The following TTLL1 variants were observed in gnomAD, a reference collection of about 807,000 sequenced individuals.
TTLL1 encodes polyglutamylase complex subunit TTLL1.
A neutral mutation model predicts 47.8 loss-of-function variants in TTLL1; 33 were observed. That is an observed-to-expected ratio of 0.69 (90% CI 0.52 to 0.92). TTLL1 has a LOEUF of 0.92. Among genes scored for constraint, TTLL1 ranks in the 40% least tolerant of loss-of-function variants. The probability of loss-of-function intolerance (pLI) is 0.00; values close to 1 mark genes in which losing one functional copy is unlikely to be tolerated. For synonymous variants in TTLL1, 225 were observed against 214.1 expected (o/e 1.05, Z -0.45); for missense variants, 488 against 547.5 (o/e 0.89, Z 1.08).
intron 5 of TTLL1, among the ~76,000 whole-genome samples, chr22:43,067,970 A>AT (rs528981760): frequency 0.09 from 11,670 of 129,552 alleles, 658 homozygotes; most frequent in African/African-American, 0.15. Context: ...CACCTGGCTA[A>AT]TTTTTTTTTT....
At chr22:43,050,522 TTTG>T (rs1355285606) in intron 9 of TTLL1, among the ~76,000 whole-genome samples, 1 of 151,692 alleles carries the variant, frequency 6.6e-6, no homozygotes, top group African/African-American at 2.4e-5. Context: ...TGTTTTTTTT[TTTG>T]TTTGTTTGTT....
chr22:43,041,873 G>C (rs1264281449), intron 10 of TTLL1, among the ~76,000 whole-genome samples: 1 of 152,174 alleles, frequency 6.6e-6, no homozygotes, highest in Non-Finnish European at 1.5e-5. Flanking sequence ...CTCTGCACCA[G>C]GGTGGAGCTG....
chr22:43,058,279 C>T (rs1267943306), intron 8 of TTLL1, among the ~76,000 whole-genome samples: 2 of 152,150 alleles, frequency 1.3e-5, no homozygotes, highest in East Asian at 1.9e-4. Flanking sequence ...TGCTGGTGCT[C>T]ATATGTTCAT....
At position 43,059,459 on chromosome 22, in the gene TTLL1, G is replaced by A. The variant is rs1350188375; in HGVS notation, c.816C>T (p.Thr272=). ...GCTTGCTGGTCACCTCCTTGCCGCGGGTGCTCTCCAGGTAGAGCCGCAGGT... is the reference window on the plus strand; with the variant it reads ...GCTTGCTGGTCACCTCCTTGCCGCGAGTGCTCTCCAGGTAGAGCCGCAGGT... ...VSNLRLYLES[T]RGKEVTSKLF... The change falls in exon 8 of 11, where the codon ACC becomes ACT. Residue 272 remains threonine (T), a synonymous_variant. Coordinates refer to ENST00000266254, the MANE Select transcript of TTLL1 (RefSeq NM_012263.5). 1 of 1,614,066 alleles carries A rather than the reference G, an allele frequency of 6.2e-7. No individual in the cohort carries two copies. Among genetic ancestry groups the A allele is most frequent in the Non-Finnish European group, 8.5e-7 (1 of 1,179,988 alleles).
rs115305911 is a variant in TTLL1, at chr22:43,071,164, G to A, written c.114-1320C>T. ...ACTCCTGGATTCAACTGATCCTGCCGCCTCAGCCTCCCAAAGTGCTGCAGT... is the reference window on the plus strand; with the variant it reads ...ACTCCTGGATTCAACTGATCCTGCCACCTCAGCCTCCCAAAGTGCTGCAGT... On this transcript the variant is annotated intron_variant, in intron 3 of 10. Coordinates refer to ENST00000266254, the MANE Select transcript of TTLL1 (RefSeq NM_012263.5). Among the ~76,000 whole-genome samples, 760 of 151,940 alleles carry A rather than the reference G, an allele frequency of 5.0e-3. 6 individuals carry two copies. The highest frequency in any genetic ancestry group is 0.018 in the African/African-American group (734 of 41,416).
chr22:43,082,876 T>C (rs192355302), intron 1 of TTLL1, among the ~76,000 whole-genome samples: 1,815 of 151,714 alleles, frequency 0.012, 40 homozygotes, highest in African/African-American at 0.042. Flanking sequence ...TAGCTGGGCA[T>C]GGTGGCGGGC....
chr22:43,088,904 T>A lies in TTLL1; in HGVS notation c.-90+373A>T, dbSNP rs76408691. Among the ~76,000 whole-genome samples the A allele has an allele frequency of 6.8e-3, 1,034 of 152,282 alleles. 13 individuals carry two copies. The highest frequency in any genetic ancestry group is 0.024 in the African/African-American group (991 of 41,552). ...AGAGGGAAGACACAAGGCTCTTGTC[T>A]CCTGCCCTGAGTTCTCTCCACAGGT... is the stretch of plus-strand genomic sequence containing the variant. On this transcript the variant is annotated intron_variant, in intron 1 of 10. Coordinates refer to ENST00000266254, the MANE Select transcript of TTLL1 (RefSeq NM_012263.5).
intron 1 of TTLL1, among the ~76,000 whole-genome samples, chr22:43,087,591 A>T (rs1225960807): frequency 7.0e-6 from 1 of 142,690 alleles, no homozygotes; most frequent in Admixed American, 7.0e-5. Context: ...TAATCCCAAC[A>T]CTTTGGGAGG....
intron 8 of TTLL1, among the ~76,000 whole-genome samples, chr22:43,054,423 C>CTTTT (rs767193512): frequency 2.9e-5 from 4 of 139,248 alleles, no homozygotes; most frequent in African/African-American, 5.3e-5. Context: ...GACATAATCT[C>CTTTT]TTTTTTTTTT....
At position 43,039,920 on chromosome 22, in the gene TTLL1, A is replaced by G. The variant is rs749110785; in HGVS notation, c.1143-15T>C. On this transcript the variant is annotated splice_polypyrimidine_tract_variant and intron_variant, in intron 10 of 10. Transcript: ENST00000266254. ...CTTCATCATACCTGGAGACAGAAAC[A>G]GCCAGGATCACGGCAGGCTCTCTTT... is the stretch of plus-strand genomic sequence containing the variant. 12 of 1,611,652 alleles carry G rather than the reference A, an allele frequency of 7.4e-6. No homozygotes were observed. The East Asian group carries it at 2.5e-4, about 33-fold the overall frequency.
chr22:43,084,439 C>A (rs1929095608), intron 1 of TTLL1, among the ~76,000 whole-genome samples: 1 of 152,058 alleles, frequency 6.6e-6, no homozygotes, highest in Non-Finnish European at 1.5e-5. Flanking sequence ...TGGCTCAGAG[C>A]TACTGTGCCC....
At position 43,046,453 on chromosome 22, in the gene TTLL1, T is replaced by C. The variant is rs1208095857; in HGVS notation, c.1099A>G (p.Asn367Asp). Residue 367 changes from asparagine (N) to aspartate (D), a missense_variant, in exon 10 of 11, where the codon AAC becomes GAC. Coordinates refer to ENST00000266254, the MANE Select transcript of TTLL1 (RefSeq NM_012263.5). The part of the protein sequence containing the change: ...PNGEIPDCKW[N>D]KSPPKEVLGN... ...AGGACTTCCTTAGGTGGCGACTTGT[T>C]CCATTTGCAGTCTGGGATTTCACCA... 1.2e-6 allele frequency: 2 copies of C among 1,614,084 alleles called. No homozygotes were observed. Among genetic ancestry groups the C allele is most frequent in the South Asian group, 2.2e-5 (2 of 91,082 alleles).
At chr22:43,087,792 C>T (rs134987) in intron 1 of TTLL1, among the ~76,000 whole-genome samples, 12,819 of 144,426 alleles carry the variant, frequency 0.089, 943 homozygotes, top group East Asian at 0.41. Context: ...GAGCCAAGAT[C>T]GCACCACTGC....
intron 6 of TTLL1, 126 bp downstream of exon 6, chr22:43,064,063 TC>T: frequency 6.6e-7 from 1 of 1,507,472 alleles, no homozygotes; most frequent in South Asian, 1.3e-5. Context: ...CTTACTTCCC[TC>T]AATCCCTGCC....
At chr22:43,077,223 C>G (rs562684096) in intron 2 of TTLL1, among the ~76,000 whole-genome samples, 2 of 152,276 alleles carry the variant, frequency 1.3e-5, no homozygotes, top group Admixed American at 1.3e-4. Flanking sequence ...CCTCACACCA[C>G]CTTCTCCTTT....
At chr22:43,080,510 T>G (rs955632670) in intron 1 of TTLL1, among the ~76,000 whole-genome samples, 3 of 152,122 alleles carry the variant, frequency 2.0e-5, no homozygotes, top group African/African-American at 7.2e-5. Context: ...TGGCTCCAGC[T>G]GGCCTTCTCA....
intron 5 of TTLL1, among the ~76,000 whole-genome samples, chr22:43,065,857 C>T (rs1015282838): frequency 1.3e-5 from 2 of 151,954 alleles, no homozygotes; most frequent in East Asian, 1.9e-4. Flanking sequence ...TTCAATTGTG[C>T]AGTAAACCTA....
At chr22:43,066,337 G>T (rs1238677174) in intron 5 of TTLL1, among the ~76,000 whole-genome samples, 1 of 151,896 alleles carries the variant, frequency 6.6e-6, no homozygotes, top group Non-Finnish European at 1.5e-5. Context: ...CTGCCCCAGG[G>T]GACAGTGCAA....
At chr22:43,088,733 A>C (rs925530989) in intron 1 of TTLL1, among the ~76,000 whole-genome samples, 1 of 152,062 alleles carries the variant, frequency 6.6e-6, no homozygotes, top group Non-Finnish European at 1.5e-5. Flanking sequence ...CAAATGCCAA[A>C]AGGGCTAACA....
Sources: gnomAD v4.1 joint callset for allele counts (sites outside exome capture counted in the v4.1 genomes callset) on GRCh38, gnomAD v4.1.1 for gene constraint, MANE v1.5 for transcripts, NCBI Gene and HGNC (gene_info 2026-07-23, HGNC 2026-07-21) for gene names.